Variants in HAUS6 observed in about 807,000 individuals in gnomAD.
The protein encoded by HAUS6 is HAUS augmin-like complex subunit 6.
HAUS6 carries 80 observed loss-of-function variants against 106.8 expected under a neutral mutation model. The ratio of observed to expected loss-of-function variants is 0.75; its 90% CI spans 0.63 to 0.90. HAUS6 has a LOEUF of 0.90. Among genes scored for constraint, HAUS6 ranks in the 40% least tolerant of loss-of-function variants. The pLI, the probability that HAUS6 is intolerant of heterozygous loss-of-function variation, is 0.00. For synonymous variants in HAUS6, 356 were observed against 379.1 expected (o/e 0.94, Z 0.71); for missense variants, 1,155 against 1,118.1 (o/e 1.03, Z -0.47).
intron 7 of HAUS6, among the ~76,000 whole-genome samples, chr9:19,084,620 CTTTT>C (rs762192250): frequency 6.3e-4 from 94 of 149,252 alleles, no homozygotes; most frequent in Non-Finnish European, 6.1e-4. Flanking sequence ...AATTAGTTCA[CTTTT>C]TTTCTTTTTT....
At chr9:19,074,646 C>G (rs939923028) in intron 11 of HAUS6, among the ~76,000 whole-genome samples, 1 of 152,010 alleles carries the variant, frequency 6.6e-6, no homozygotes, top group African/African-American at 2.4e-5. Context: ...ATAATCTTTC[C>G]CAACCAGTGT....
At chr9:19,071,007 A>G (rs1190190488) in intron 11 of HAUS6, among the ~76,000 whole-genome samples, 2 of 152,220 alleles carry the variant, frequency 1.3e-5, no homozygotes, top group South Asian at 2.1e-4. Flanking sequence ...AGAGAAAGCC[A>G]TGACTGGATT....
At chr9:19,076,410 T>C (rs570398857) in intron 11 of HAUS6, among the ~76,000 whole-genome samples, 192 bp downstream of exon 11, 57 of 152,102 alleles carry the variant, frequency 3.7e-4, no homozygotes, top group Non-Finnish European at 6.2e-4. Flanking sequence ...CTGCACAACA[T>C]TGTAAATGTA....
chr9:19,067,715 T>A (rs1171511994), intron 12 of HAUS6, among the ~76,000 whole-genome samples: 1 of 152,028 alleles, frequency 6.6e-6, no homozygotes, highest in Non-Finnish European at 1.5e-5. Flanking sequence ...TCAGATAGAG[T>A]TTCACTCTTG....
At chr9:19,073,536 A>C (rs921794039) in intron 11 of HAUS6, among the ~76,000 whole-genome samples, 2 of 152,048 alleles carry the variant, frequency 1.3e-5, no homozygotes, top group Non-Finnish European at 2.9e-5. Context: ...TGAGAATTTC[A>C]TAGATTCGAA....
chr9:19,089,925 C>T (rs922580058), intron 4 of HAUS6, among the ~76,000 whole-genome samples: 2 of 152,128 alleles, frequency 1.3e-5, no homozygotes, highest in African/African-American at 2.4e-5. Context: ...CTCAACCTTC[C>T]GGGTTCAAGC....
intron 4 of HAUS6, chr9:19,089,787 A>G: frequency 1.9e-6 from 1 of 514,520 alleles, no homozygotes; most frequent in Non-Finnish European, 3.4e-6. Flanking sequence ...AACTCCCCAA[A>G]AGCTAGTATA....
At chr9:19,097,153 G>A (rs2131157104) in intron 1 of HAUS6, among the ~76,000 whole-genome samples, 1 of 152,220 alleles carries the variant, frequency 6.6e-6, no homozygotes, top group East Asian at 1.9e-4. Flanking sequence ...AACCCTAGAA[G>A]AAAACCTAGG....
At chr9:19,099,279 G>C (rs1247856727) in intron 1 of HAUS6, among the ~76,000 whole-genome samples, 1 of 150,170 alleles carries the variant, frequency 6.7e-6, no homozygotes, top group Non-Finnish European at 1.5e-5. Context: ...CCATTCTCCT[G>C]CCTCAGCCTC....
At chr9:19,072,916 A>G (rs1836909719) in intron 11 of HAUS6, among the ~76,000 whole-genome samples, 1 of 152,196 alleles carries the variant, frequency 6.6e-6, no homozygotes, top group Non-Finnish European at 1.5e-5. Context: ...ATCACATGTA[A>G]TGAACTAACC....
chr9:19,086,662 C>T, intron 7 of HAUS6, 72 bp downstream of exon 7: 1 of 693,172 alleles, frequency 1.4e-6, no homozygotes, highest in Admixed American at 2.7e-5. Context: ...ATAAGAGTCC[C>T]ACTAATTAAG....
chr9:19,078,262 C>A lies in HAUS6; in HGVS notation c.1105G>T (p.Val369Phe). ...TGCCATTCTCCTTGCTTTTCAACAA[C>A]AGAATGTCTTATAGTTGTGAGATCA... ...KDDLTTIRHSVVEKQGEWHKK... is the reference protein window; with the variant it reads ...KDDLTTIRHSFVEKQGEWHKK... Residue 369 changes from valine (V) to phenylalanine (F), a missense_variant, in exon 10 of 17, where the codon GTT (valine) becomes TTT (phenylalanine). This residue lies in a region of HAUS6 where 761 missense variants were observed against 690.0 expected (regional missense o/e 1.10). Coordinates refer to ENST00000380502, the MANE Select transcript of HAUS6 (RefSeq NM_017645.5). 1 of 1,528,760 alleles carries A rather than the reference C, an allele frequency of 6.5e-7. No homozygotes were observed. The highest frequency in any genetic ancestry group is 1.1e-5 in the South Asian group (1 of 89,112). 94.7% of individuals were successfully genotyped at this position (1,528,760 alleles called of 1,614,324 possible).
In HAUS6 at chr9:19,053,509, T is replaced by A. The variant is rs1484732284; in HGVS notation, c.*2834A>T. 1 of 152,318 alleles carries A rather than the reference T, an allele frequency of 6.6e-6. No homozygotes were observed. The highest frequency in any genetic ancestry group is 2.1e-4 in the South Asian group (1 of 4,828). The allele number at this position is 152,318 out of a possible 1,614,324, so 9.4% of individuals were successfully genotyped here. ...ACTCATATTTTTGTTTTCAGCTCAA[T>A]TTCCCCCAAATGTTAACTTCAGCTA... On this transcript the variant is annotated 3_prime_UTR_variant, in exon 17 of 17. Transcript: ENST00000380502.
chr9:19,094,421 G>C lies in HAUS6; in HGVS notation c.225-26C>G, dbSNP rs773719865. The C allele has an allele frequency of 7.4e-6, 10 of 1,359,804 alleles. No homozygotes were observed. In the African/African-American group the frequency reaches 1.2e-4, roughly 16 times the overall value. 84.2% of individuals were successfully genotyped at this position (1,359,804 alleles called of 1,614,324 possible). A position where few individuals can be genotyped will look rare whatever the true frequency, so the allele number is the denominator to read the frequency against. ...CTGGAAAACAAAAATAAAAGCGTAA[G>C]GACTATGCACAACAATAGCCAAAAA... is the stretch of plus-strand genomic sequence containing the variant. On this transcript the variant is annotated intron_variant, in intron 2 of 16. Coordinates refer to ENST00000380502, the MANE Select transcript of HAUS6 (RefSeq NM_017645.5).
intron 4 of HAUS6, among the ~76,000 whole-genome samples, chr9:19,089,922 T>G (rs1286660442): frequency 6.6e-6 from 1 of 152,072 alleles, no homozygotes; most frequent in Non-Finnish European, 1.5e-5. Context: ...AGCCTCAACC[T>G]TCCGGGTTCA....
intron 9 of HAUS6, 126 bp from the exon 10 acceptor site, chr9:19,078,428 C>T: frequency 1.7e-6 from 1 of 601,976 alleles, no homozygotes; most frequent in Non-Finnish European, 3.0e-6. Context: ...ATCAATATAC[C>T]ACATATAAAT....
rs1440965379 is a variant in HAUS6 at position 19,055,858 on chromosome 9, C to G, written c.*485G>C. The G allele has an allele frequency of 3.3e-5, 5 of 152,654 alleles. No homozygotes were observed. The highest frequency in any genetic ancestry group is 1.2e-4 in the African/African-American group (5 of 41,456). 9.5% of individuals were successfully genotyped at this position (152,654 alleles called of 1,614,324 possible). A position where few individuals can be genotyped will look rare whatever the true frequency, so the allele number is the denominator to read the frequency against. On this transcript the variant is annotated 3_prime_UTR_variant, in exon 17 of 17. Coordinates refer to ENST00000380502, the MANE Select transcript of HAUS6 (RefSeq NM_017645.5). The stretch of plus-strand genomic sequence containing the variant: ...CTTGACTACACATCCCAAGGTACTA[C>G]TTTTCTCACTTTTTCTGGTTAGCCA...
intron 8 of HAUS6, among the ~76,000 whole-genome samples, chr9:19,082,165 C>A (rs1837165334): frequency 1.3e-5 from 2 of 152,090 alleles, no homozygotes; most frequent in African/African-American, 2.4e-5. Flanking sequence ...CCATGGAGAA[C>A]ATTATTTAAT....
Position 19,078,263 on chromosome 9 carries a change from A to G in HAUS6, c.1104T>C (p.Ser368=). Residue 368 remains serine (S), a synonymous_variant, in exon 10 of 17, where the codon TCT becomes TCC. Coordinates refer to ENST00000380502, the MANE Select transcript of HAUS6 (RefSeq NM_017645.5). ...GCCATTCTCCTTGCTTTTCAACAACAGAATGTCTTATAGTTGTGAGATCAT... is the reference window on the plus strand; with the variant it reads ...GCCATTCTCCTTGCTTTTCAACAACGGAATGTCTTATAGTTGTGAGATCAT... ...IKDDLTTIRH[S]VVEKQGEWHK... 6.6e-7 allele frequency: 1 copy of G among 1,525,130 alleles called. No individual in the cohort carries two copies. The highest frequency in any genetic ancestry group is 9.1e-7 in the Non-Finnish European group (1 of 1,100,228). The allele number at this position is 1,525,130 out of a possible 1,614,324, so 94.5% of individuals were successfully genotyped here. A position where few individuals can be genotyped will look rare whatever the true frequency, so the allele number is the denominator to read the frequency against.
Sources: gnomAD v4.1 joint callset for allele counts (sites outside exome capture counted in the v4.1 genomes callset) on GRCh38, gnomAD v4.1.1 for gene constraint, gnomAD v4.1.1 regional missense constraint, MANE v1.5 for transcripts, NCBI Gene and HGNC (gene_info 2026-07-23, HGNC 2026-07-21) for gene names.